DCP1B: variants seen among roughly 807,000 people sequenced by gnomAD.
DCP1B encodes mRNA-decapping enzyme 1B.
A neutral mutation model predicts 60.5 loss-of-function variants in DCP1B; 47 were observed. The ratio of observed to expected loss-of-function variants is 0.78; its 90% CI spans 0.61 to 0.99. The LOEUF (loss-of-function observed/expected upper bound fraction) is 0.99, where lower values mean the gene tolerates loss of function less well. Among genes scored for constraint, DCP1B ranks in the 50% least tolerant of loss-of-function variants. The pLI is 0.00. For synonymous variants in DCP1B, 267 were observed against 280.3 expected (o/e 0.95, Z 0.47); for missense variants, 725 against 756.8 (o/e 0.96, Z 0.49).
chr12:1,958,708 C>G (rs1412514672), intron 5 of DCP1B, among the ~76,000 whole-genome samples: 1 of 143,404 alleles, frequency 7.0e-6, no homozygotes, highest in Admixed American at 6.9e-5. Context: ...AGGGGAAAAG[C>G]TCCCCAACGT....
intron 3 of DCP1B, among the ~76,000 whole-genome samples, chr12:1,982,357 C>G (rs968578116): frequency 2.5e-4 from 38 of 152,116 alleles, no homozygotes; most frequent in African/African-American, 8.9e-4. Context: ...ACTCTGTACC[C>G]ATTAGAAGAT....
At chr12:1,990,432 A>C (rs933857351) in intron 3 of DCP1B, among the ~76,000 whole-genome samples, 2 of 152,208 alleles carry the variant, frequency 1.3e-5, no homozygotes, top group Non-Finnish European at 2.9e-5. Flanking sequence ...TGTTTGAATG[A>C]AGTTACTCTA....
Position 1,953,224 on chromosome 12 carries a change from G to A in DCP1B, c.716C>T (p.Thr239Ile). The A allele has an allele frequency of 6.2e-7, 1 of 1,606,800 alleles. No homozygotes were observed. The highest frequency in any genetic ancestry group is 8.5e-7 in the Non-Finnish European group (1 of 1,179,974). The change falls in exon 7 of 9, where the codon ACA (threonine) becomes ATA (isoleucine). Residue 239 changes from threonine to isoleucine, a missense_variant. Thr to Ile is a moderately conservative substitution (Grantham distance 89, BLOSUM62 -1). Transcript: ENST00000280665. ...TALFGKQDKA[T>I]CQETVEPPQT... ...CGGAGGCTCCACAGTTTCCTGACAT[G>A]TAGCTTTGTCCTGCTTCCCAAACAG...
intron 2 of DCP1B, among the ~76,000 whole-genome samples, chr12:1,996,521 AG>A (rs962388830): frequency 5.4e-5 from 8 of 149,518 alleles, no homozygotes; most frequent in Non-Finnish European, 7.4e-5. Context: ...TCTATAAAGC[AG>A]GGGTGTCCAA....
In DCP1B at chr12:1,952,881, C is replaced by T; in HGVS notation, c.1059G>A (p.Gln353=). 6.2e-7 allele frequency: 1 copy of T among 1,614,188 alleles called. No individual in the cohort carries two copies. Residue 353 remains glutamine (Q), a synonymous_variant, in exon 7 of 9, where the codon CAG becomes CAA. Coordinates refer to ENST00000280665, the MANE Select transcript of DCP1B (RefSeq NM_152640.5). ...SRGVQNASRT[Q]NLFEKLQSTP... ...TACTCTGAAGTTTCTCGAACAGGTTCTGAGTTCTGGAAGCATTTTGTACAC... is the reference window on the plus strand; with the variant it reads ...TACTCTGAAGTTTCTCGAACAGGTTTTGAGTTCTGGAAGCATTTTGTACAC...
chr12:1,959,370 TCAAA>T (rs1023184635), intron 5 of DCP1B, among the ~76,000 whole-genome samples: 4 of 152,140 alleles, frequency 2.6e-5, no homozygotes, highest in African/African-American at 9.7e-5. Flanking sequence ...GATAAGGAAC[TCAAA>T]CAACTCAACA....
chr12:1,965,970 C>A, intron 4 of DCP1B: 1 of 339,302 alleles, frequency 2.9e-6, no homozygotes, highest in Non-Finnish European at 5.3e-6. Context: ...AAGCTCAACA[C>A]AGCCATGCTC....
chr12:1,968,927 A>G (rs1222090956), intron 3 of DCP1B, among the ~76,000 whole-genome samples: 2 of 152,200 alleles, frequency 1.3e-5, no homozygotes, highest in African/African-American at 2.4e-5. Context: ...GTGCCTATCT[A>G]TATCATTTTT....
rs2032400176 is a variant in DCP1B, at chr12:1,971,813, T to G, written c.320-3903A>C. ...TTTATGTTCCTAATAAATATTTCTG[T>G]TTGATCTGTTCTTTTAAGATATTTA... On this transcript the variant is annotated intron_variant, in intron 3 of 8. Transcript: ENST00000280665. This position sits in a 1 kb window ranked among gnomAD's most constrained non-coding sequence, Gnocchi z 4.2. 6.6e-6 allele frequency among the ~76,000 whole-genome samples: 1 copy of G among 152,244 alleles called. No individual in the cohort carries two copies.
chr12:2,001,778 G>A (rs757399732), intron 1 of DCP1B, among the ~76,000 whole-genome samples: 2 of 152,088 alleles, frequency 1.3e-5, no homozygotes, highest in Non-Finnish European at 2.9e-5. Flanking sequence ...GGAACACAAC[G>A]TTAGTCACTT....
At chr12:1,975,700 A>G (rs2034122140) in intron 3 of DCP1B, among the ~76,000 whole-genome samples, 1 of 152,172 alleles carries the variant, frequency 6.6e-6, no homozygotes, top group South Asian at 2.1e-4. Context: ...TCAAGCTGAG[A>G]ACCTTAATAG....
At chr12:1,984,200 C>T (rs970229094) in intron 3 of DCP1B, among the ~76,000 whole-genome samples, 2 of 152,014 alleles carry the variant, frequency 1.3e-5, no homozygotes, top group African/African-American at 4.8e-5. Flanking sequence ...CTCTTTTAAT[C>T]ACTATGTTAG....
At chr12:1,949,431 T>C in intron 7 of DCP1B, 97 bp from the exon 8 acceptor site, 1 of 1,515,964 alleles carries the variant, frequency 6.6e-7, no homozygotes, top group Non-Finnish European at 8.9e-7. Flanking sequence ...GCATTCCCTG[T>C]CCACAGCTTT....
intron 3 of DCP1B, among the ~76,000 whole-genome samples, chr12:1,979,306 G>A (rs1442177406): frequency 2.6e-5 from 4 of 151,706 alleles, no homozygotes; most frequent in African/African-American, 7.3e-5. Context: ...GAGCCACAGC[G>A]CCTGGATTTT....
At chr12:1,959,156 G>A (rs1396853761) in intron 5 of DCP1B, among the ~76,000 whole-genome samples, 1 of 152,116 alleles carries the variant, frequency 6.6e-6, no homozygotes, top group African/African-American at 2.4e-5. Context: ...AGGAAACAGG[G>A]GAAAAGCTCC....
rs146111416 is a variant in DCP1B, at chr12:1,993,682, C to T, written c.192-291G>A. ...TATACAGATGTTGTTTATTTCTTAA[C>T]CTAACGTTGTAAATTCCTTTAAGGC... On this transcript the variant is annotated intron_variant, in intron 2 of 8. Coordinates refer to ENST00000280665, the MANE Select transcript of DCP1B (RefSeq NM_152640.5). Among the ~76,000 whole-genome samples the T allele has an allele frequency of 7.4e-3, 1,092 of 146,754 alleles. 19 individuals carry two copies. The highest frequency in any genetic ancestry group is 0.026 in the African/African-American group (1,013 of 39,240).
Position 1,952,806 on chromosome 12 carries a change from G to A in DCP1B, c.1134C>T (p.Ser378=), listed in dbSNP as rs759601940. 6.2e-7 allele frequency: 1 copy of A among 1,614,220 alleles called. No homozygotes were observed. The highest frequency in any genetic ancestry group is 1.7e-5 in the Admixed American group (1 of 60,032). Residue 378 remains serine, a synonymous_variant, in exon 7 of 9, where the codon AGC becomes AGT. Transcript: ENST00000280665. ...CTCTGCTGCGGTTCAGGGCAGCTGA[G>A]CTGGCAGGTGCTGGTGTACTAGGGT... is the stretch of plus-strand genomic sequence containing the variant. The part of the protein sequence containing the change: ...KCDPSTPAPA[S]SAALNRSRAP...
At chr12:1,943,992 A>C (rs1250951813), downstream of DCP1B, among the ~76,000 whole-genome samples, 6 of 152,214 alleles carry the variant, frequency 3.9e-5, no homozygotes, top group Non-Finnish European at 7.3e-5. Flanking sequence ...GAGGAAGTCA[A>C]ATTGTCTCTG....
chr12:1,974,403 A>T (rs910994491), intron 3 of DCP1B, among the ~76,000 whole-genome samples: 1 of 152,066 alleles, frequency 6.6e-6, no homozygotes, highest in Non-Finnish European at 1.5e-5. Flanking sequence ...TGTTGATGGG[A>T]TTCTGTCATT....
Sources: gnomAD v4.1 joint callset for allele counts (sites outside exome capture counted in the v4.1 genomes callset) on GRCh38, gnomAD v4.1.1 for gene constraint, Gnocchi (gnomAD v3.1) non-coding constraint, MANE v1.5 for transcripts, NCBI Gene and HGNC (gene_info 2026-07-23, HGNC 2026-07-21) for gene names.